PRELID2: variants seen among roughly 807,000 people sequenced by gnomAD.
PRELID2 encodes the protein PRELI domain-containing protein 2.
PRELID2 carries 25 observed loss-of-function variants against 28.4 expected under a neutral mutation model. That is an observed-to-expected ratio of 0.88 (90% confidence interval 0.64 to 1.23). The LOEUF is 1.23. Among genes scored for constraint, PRELID2 ranks in the 50% most tolerant of loss-of-function variants. The pLI, the probability that PRELID2 is intolerant of heterozygous loss-of-function variation, is 0.00. For missense variants in PRELID2, 201 were observed against 214.4 expected (o/e 0.94, Z 0.39); for synonymous variants, 76 against 71.6 (o/e 1.06, Z -0.31).
At chr5:145,594,902 C>A (rs868525059) in intron 1 of PRELID2, among the ~76,000 whole-genome samples, 86 of 152,078 alleles carry the variant, frequency 5.7e-4, no homozygotes, top group African/African-American at 2.0e-3. Flanking sequence ...CCGAGGTGGG[C>A]AGATCGCTTG....
At chr5:145,249,875 T>C in the PRELID2 span, among the ~76,000 whole-genome samples, 2 of 151,100 alleles carry the variant, frequency 1.3e-5, no homozygotes, top group Non-Finnish European at 1.5e-5. Flanking sequence ...AATAGGGGAG[T>C]GGGAGGGTTC....
chr5:145,470,789 A>G (rs1323584016), downstream of PRELID2, among the ~76,000 whole-genome samples: 1 of 152,154 alleles, frequency 6.6e-6, no homozygotes, highest in East Asian at 1.9e-4. Context: ...TGAGTGACTA[A>G]TAGACCCTCT....
At chr5:145,363,340 T>G in the PRELID2 span, among the ~76,000 whole-genome samples, 952 of 152,188 alleles carry the variant, frequency 6.3e-3, 30 homozygotes, top group East Asian at 0.01. Context: ...TTTCTTCCAG[T>G]TTTTGTCTTG....
intron 1 of PRELID2, among the ~76,000 whole-genome samples, chr5:145,703,177 C>A (rs779787197): frequency 3.3e-5 from 5 of 152,198 alleles, no homozygotes; most frequent in Non-Finnish European, 5.9e-5. Flanking sequence ...CTATTCAGAG[C>A]AGAGAGTTAG....
chr5:145,291,933 A>G, the PRELID2 span, among the ~76,000 whole-genome samples: 66 of 152,314 alleles, frequency 4.3e-4, no homozygotes, highest in African/African-American at 1.5e-3. Flanking sequence ...TAAGTTGACT[A>G]TATTTGTGTG....
At chr5:145,787,693 A>G (rs1198900726) in intron 5 of PRELID2, among the ~76,000 whole-genome samples, 2 of 151,898 alleles carry the variant, frequency 1.3e-5, no homozygotes, top group African/African-American at 4.8e-5. Context: ...GCATGCAACA[A>G]CATGCCCAGA....
chr5:145,653,997 G>A lies in PRELID2; in HGVS notation n.70+110934C>T, dbSNP rs144744104. Among the ~76,000 whole-genome samples, 592 of 151,952 alleles carry A rather than the reference G, an allele frequency of 3.9e-3. 2 individuals carry two copies. Among genetic ancestry groups the A allele is most frequent in the African/African-American group, 0.013 (537 of 41,438 alleles). ...AAAAGATCAATAAAATTGATAGATC[G>A]CTAGCAAGACTAATAAAGAAGAAAA... On this transcript the variant is annotated intron_variant and non_coding_transcript_variant, in intron 1 of 2. Coordinates refer to the PRELID2 transcript ENST00000510259.
At chr5:145,413,923 T>C in the PRELID2 span, among the ~76,000 whole-genome samples, 3 of 151,978 alleles carry the variant, frequency 2.0e-5, no homozygotes, top group African/African-American at 7.3e-5. Context: ...ATATAACACA[T>C]CTTTATTCAT....
chr5:145,738,162 C>T (rs1021683423), intron 1 of PRELID2, among the ~76,000 whole-genome samples: 2 of 152,172 alleles, frequency 1.3e-5, no homozygotes, highest in Non-Finnish European at 2.9e-5. Flanking sequence ...GAACCTTTAT[C>T]TCCACATCTC....
intron 1 of PRELID2, among the ~76,000 whole-genome samples, chr5:145,574,377 G>A (rs970693194): frequency 2.6e-5 from 4 of 152,096 alleles, no homozygotes; most frequent in South Asian, 2.1e-4. Context: ...TAATATTTAC[G>A]AAATTTGTCT....
intron 1 of PRELID2, among the ~76,000 whole-genome samples, chr5:145,695,261 C>A (rs527681292): frequency 6.6e-6 from 1 of 152,220 alleles, no homozygotes; most frequent in African/African-American, 2.4e-5. Flanking sequence ...GAGAATAAGT[C>A]AGTCACGTCA....
At chr5:145,420,360 A>G in the PRELID2 span, among the ~76,000 whole-genome samples, 1 of 152,010 alleles carries the variant, frequency 6.6e-6, no homozygotes, top group African/African-American at 2.4e-5. Context: ...CTTCCTACCC[A>G]TGAGCATGGA....
chr5:145,779,255 G>A (rs1758611760), intron 5 of PRELID2, among the ~76,000 whole-genome samples: 2 of 152,228 alleles, frequency 1.3e-5, no homozygotes, highest in African/African-American at 4.8e-5. Context: ...ATCTTTCAGT[G>A]ACAGAGATAA....
chr5:145,540,498 TGA>T (rs1752736907), intron 1 of PRELID2, among the ~76,000 whole-genome samples: 2 of 151,876 alleles, frequency 1.3e-5, no homozygotes, highest in Non-Finnish European at 1.5e-5. Context: ...GTTAGAAAGA[TGA>T]GTCTTACCAT....
chr5:145,415,008 A>G, the PRELID2 span, among the ~76,000 whole-genome samples: 1 of 152,218 alleles, frequency 6.6e-6, no homozygotes, highest in Non-Finnish European at 1.5e-5. Flanking sequence ...ATAGATATCT[A>G]TAGAACTCTC....
intron 1 of PRELID2, among the ~76,000 whole-genome samples, chr5:145,578,148 A>C (rs1348339912): frequency 6.6e-6 from 1 of 152,122 alleles, no homozygotes; most frequent in Non-Finnish European, 1.5e-5. Flanking sequence ...AACTTCATCC[A>C]AGGAGAACAA....
At chr5:145,827,697 T>C (rs903118539) in intron 1 of PRELID2, among the ~76,000 whole-genome samples, 1 of 152,170 alleles carries the variant, frequency 6.6e-6, no homozygotes, top group African/African-American at 2.4e-5. Flanking sequence ...ACATCAAATG[T>C]ATGCATAAAC....
chr5:145,607,076 G>A lies in PRELID2; in HGVS notation n.71-133761C>T, dbSNP rs568645227. Among the ~76,000 whole-genome samples the A allele has an allele frequency of 7.9e-5, 12 of 152,116 alleles. No homozygotes were observed. The East Asian group carries it at 1.9e-3, about 24-fold the overall frequency. On this transcript the variant is annotated intron_variant and non_coding_transcript_variant, in intron 1 of 2. Coordinates refer to the PRELID2 transcript ENST00000510259. ...TGAGAGATTTTTATATTTCTGTGGG[G>A]TCAGTGATAATGTAACCTGTGTCAT...
chr5:145,802,015 G>A (rs1753172710), intron 4 of PRELID2, among the ~76,000 whole-genome samples: 1 of 152,160 alleles, frequency 6.6e-6, no homozygotes, highest in African/African-American at 2.4e-5. Context: ...ACTGACAAAA[G>A]TCAACTTCCT....
Sources: allele counts gnomAD v4.1 joint callset (sites outside exome capture counted in the v4.1 genomes callset), GRCh38; gene constraint gnomAD v4.1.1; transcripts MANE v1.5; gene names NCBI Gene and HGNC (gene_info 2026-07-23, HGNC 2026-07-21).